The following MARCHF10 variants were observed in gnomAD, a reference collection of about 807,000 sequenced individuals.
The protein encoded by MARCHF10 is membrane associated ring-CH-type finger 10.
In MARCHF10, 64 loss-of-function variants were observed where a neutral mutation model predicts 76.2. That is an observed-to-expected ratio of 0.84 (90% CI 0.69 to 1.03). The LOEUF is 1.03. MARCHF10 is among the 50% of genes least tolerant of loss of function. The pLI is 0.00. For missense variants in MARCHF10, 875 were observed against 958.0 expected (o/e 0.91, Z 1.14); for synonymous variants, 340 against 357.5 (o/e 0.95, Z 0.55).
Position 62,711,137 on chromosome 17 carries a change from C to T in MARCHF10, c.2328+94G>A. On this transcript the variant is annotated intron_variant, in intron 9 of 10. Transcript: ENST00000311269. This position sits in a 1 kb window ranked among gnomAD's most constrained non-coding sequence, Gnocchi z 4.4. Reference sequence around the variant, plus strand: ...GATAGTCCCATATCCTCCCAAGCGACCGTGAGGACCTCAACAGCTTGCACA... The same window carrying T: ...GATAGTCCCATATCCTCCCAAGCGATCGTGAGGACCTCAACAGCTTGCACA... The T allele has an allele frequency of 1.0e-6, 1 of 971,596 alleles. No individual in the cohort carries two copies. The highest frequency in any genetic ancestry group is 1.6e-6 in the Non-Finnish European group (1 of 609,596). 60.2% of individuals were successfully genotyped at this position (971,596 alleles called of 1,614,324 possible). A position where few individuals can be genotyped will look rare whatever the true frequency, so the allele number is the denominator to read the frequency against.
intron 8 of MARCHF10, among the ~76,000 whole-genome samples, chr17:62,720,649 T>A (rs549388828): frequency 2.4e-4 from 37 of 152,194 alleles, no homozygotes; most frequent in Non-Finnish European, 3.5e-4. Flanking sequence ...TTTTCTCTGC[T>A]ATTCACTGTA....
rs1245778990 is a variant in MARCHF10 at position 62,751,824 on chromosome 17, C to T, written c.383-7296G>A. 4.6e-5 allele frequency among the ~76,000 whole-genome samples: 7 copies of T among 152,242 alleles called. No individual in the cohort carries two copies. In the East Asian group the frequency reaches 5.8e-4, roughly 13 times the overall value. ...TTACTTGAGGTCAGGAGTTCGATACCAGCCTGGCCAACAGGGAGAAACCCC... is the reference window on the plus strand; with the variant it reads ...TTACTTGAGGTCAGGAGTTCGATACTAGCCTGGCCAACAGGGAGAAACCCC... On this transcript the variant is annotated intron_variant, in intron 4 of 10. Transcript: ENST00000311269.
At chr17:62,767,609 T>C (rs987686488) in intron 3 of MARCHF10, among the ~76,000 whole-genome samples, 1 of 151,774 alleles carries the variant, frequency 6.6e-6, no homozygotes, top group African/African-American at 2.4e-5. Flanking sequence ...CACCACCACG[T>C]CTGGCTAATT....
intron 1 of MARCHF10, among the ~76,000 whole-genome samples, chr17:62,804,380 G>A (rs2093129253): frequency 6.6e-6 from 1 of 152,056 alleles, no homozygotes; most frequent in South Asian, 2.1e-4. Context: ...AGAGAAAGAG[G>A]ACACAGGGAC....
At chr17:62,762,843 G>A (rs145780613) in intron 3 of MARCHF10, among the ~76,000 whole-genome samples, 1 of 152,328 alleles carries the variant, frequency 6.6e-6, no homozygotes, top group Non-Finnish European at 1.5e-5. Flanking sequence ...ACCACGCCCG[G>A]CCTATCCTCT....
At chr17:62,797,338 G>A (rs1003216571) in intron 2 of MARCHF10, among the ~76,000 whole-genome samples, 9 of 152,114 alleles carry the variant, frequency 5.9e-5, no homozygotes, top group African/African-American at 2.2e-4. Context: ...CTGAGTAGCT[G>A]GGATTACAGG....
At position 62,759,847 on chromosome 17, in the gene MARCHF10, C is replaced by A. The variant is rs141415486; in HGVS notation, c.370G>T (p.Glu124Ter). The A allele has an allele frequency of 1.2e-6, 2 of 1,613,770 alleles. No homozygotes were observed. The highest frequency in any genetic ancestry group is 1.7e-5 in the Admixed American group (1 of 59,958). Residue 124 changes from glutamate to a stop codon, truncating the protein, a stop_gained, in exon 4 of 11, where the codon GAA (glutamate) becomes TAA (stop). Coordinates refer to ENST00000311269, the MANE Select transcript of MARCHF10 (RefSeq NM_152598.4). LOFTEE classifies it high-confidence loss of function. ...GCCAGCCACTCACCTGGAGAGGGTTCGCTGGGGTCCACTTTCTCTGCTTTC... is the reference window on the plus strand; with the variant it reads ...GCCAGCCACTCACCTGGAGAGGGTTAGCTGGGGTCCACTTTCTCTGCTTTC... Reference protein sequence around the residue: ...VRKAEKVDPSEPSPADQAPMV... With the variant: ...VRKAEKVDPS
At chr17:62,752,822 C>G (rs866011899) in intron 4 of MARCHF10, among the ~76,000 whole-genome samples, 1 of 152,068 alleles carries the variant, frequency 6.6e-6, no homozygotes, top group Non-Finnish European at 1.5e-5. Context: ...ATTTCTCCCC[C>G]ATCCCCTGCA....
intron 2 of MARCHF10, among the ~76,000 whole-genome samples, chr17:62,798,442 T>TAA (rs76893795): frequency 1.3e-4 from 11 of 86,420 alleles, no homozygotes; most frequent in African/African-American, 3.8e-4. Context: ...TGGGAAACAT[T>TAA]AAAAAAAAAA....
intron 4 of MARCHF10, among the ~76,000 whole-genome samples, chr17:62,756,870 C>G (rs1463180294): frequency 6.6e-6 from 1 of 152,208 alleles, no homozygotes; most frequent in African/African-American, 2.4e-5. Context: ...AGGACCACCA[C>G]AAGTCACTCA....
intron 1 of MARCHF10, among the ~76,000 whole-genome samples, chr17:62,807,655 C>A (rs567378526): frequency 2.6e-5 from 4 of 152,080 alleles, no homozygotes; most frequent in African/African-American, 9.7e-5. Context: ...CAGCTACCAC[C>A]GGGAGGCTGA....
chr17:62,714,855 C>T (rs1250420090), intron 8 of MARCHF10, among the ~76,000 whole-genome samples: 1 of 152,152 alleles, frequency 6.6e-6, no homozygotes, highest in Non-Finnish European at 1.5e-5. Flanking sequence ...AAGTGATTCT[C>T]CTGCCTCAGC....
chr17:62,706,428 T>C (rs1272258838), intron 9 of MARCHF10: 3 of 152,290 alleles, frequency 2.0e-5, no homozygotes, highest in East Asian at 1.9e-4. Flanking sequence ...CTGATCGTTA[T>C]CTATCTCATC....
intron 10 of MARCHF10, among the ~76,000 whole-genome samples, chr17:62,702,966 T>C (rs1433629127): frequency 1.3e-5 from 2 of 152,168 alleles, no homozygotes; most frequent in Non-Finnish European, 2.9e-5. Flanking sequence ...TCTGTTTGCA[T>C]ATCTGCAGGA....
chr17:62,787,877 G>A (rs2092772126), intron 3 of MARCHF10, among the ~76,000 whole-genome samples: 1 of 152,012 alleles, frequency 6.6e-6, no homozygotes, highest in East Asian at 1.9e-4. Flanking sequence ...TGAAATAATG[G>A]TAACTGCTTA....
chr17:62,742,794 G>A (rs571197188), intron 5 of MARCHF10, among the ~76,000 whole-genome samples: 1 of 151,636 alleles, frequency 6.6e-6, no homozygotes, highest in Non-Finnish European at 1.5e-5. Flanking sequence ...GATGTCCTGA[G>A]CTAATTTATT....
At chr17:62,765,176 G>A (rs1026609827) in intron 3 of MARCHF10, among the ~76,000 whole-genome samples, 3 of 106,798 alleles carry the variant, frequency 2.8e-5, no homozygotes, top group Admixed American at 1.1e-4. Context: ...GTGAAGCCCC[G>A]TCTCCACTGA....
chr17:62,742,576 A>C (rs956595560), intron 5 of MARCHF10, among the ~76,000 whole-genome samples: 9 of 152,172 alleles, frequency 5.9e-5, no homozygotes, highest in African/African-American at 2.2e-4. Flanking sequence ...AGGTCACAGG[A>C]TGATGGGCGA....
rs1598087786 is a variant in MARCHF10 at position 62,801,677 on chromosome 17, T to C, written c.59A>G (p.Asp20Gly). 1 of 1,614,200 alleles carries C rather than the reference T, an allele frequency of 6.2e-7. No homozygotes were observed. The highest frequency in any genetic ancestry group is 8.5e-7 in the Non-Finnish European group (1 of 1,180,020). Residue 20 changes from aspartate to glycine, a missense_variant, in exon 2 of 11, where the codon GAC becomes GGC. By Grantham distance (94) the Asp-to-Gly change is moderately conservative (BLOSUM62 -1). Coordinates refer to ENST00000311269, the MANE Select transcript of MARCHF10 (RefSeq NM_152598.4). ...CTCAGAGTCCACCTTATGCTGCATGTCCCGCAGATACTGAACATCGCTGAA... is the reference window on the plus strand; with the variant it reads ...CTCAGAGTCCACCTTATGCTGCATGCCCCGCAGATACTGAACATCGCTGAA... ...KFFSDVQYLR[D>G]MQHKVDSEYQ...
Sources: gnomAD v4.1 joint callset for allele counts (sites outside exome capture counted in the v4.1 genomes callset) on GRCh38, gnomAD v4.1.1 for gene constraint, Gnocchi (gnomAD v3.1) non-coding constraint, MANE v1.5 for transcripts, NCBI Gene and HGNC (gene_info 2026-07-23, HGNC 2026-07-21) for gene names.